POM121C: variants seen among roughly 807,000 people sequenced by gnomAD.
POM121C encodes POM121 transmembrane nucleoporin C, also known as nuclear envelope pore membrane protein POM 121C.
POM121C carries 20 observed loss-of-function variants against 66.4 expected under a neutral mutation model. The ratio of observed to expected loss-of-function variants is 0.30; its 90% CI spans 0.21 to 0.44. The LOEUF (loss-of-function observed/expected upper bound fraction) is 0.44, where lower values mean the gene tolerates loss of function less well. Ranked by LOEUF, POM121C falls within the 20% of genes least tolerant of loss-of-function variation. The probability of loss-of-function intolerance (pLI) is 1.00; values close to 1 mark genes in which losing one functional copy is unlikely to be tolerated. For synonymous variants in POM121C, 286 were observed against 528.0 expected, an observed-to-expected ratio of 0.54 and a Z score of 6.28; for missense variants, 580 against 1,225.7, an observed-to-expected ratio of 0.47 and a Z score of 7.87.
chr7:75,471,965 A>T (rs1272902267), intron 3 of POM121C, among the ~76,000 whole-genome samples: 1 of 151,876 alleles, frequency 6.6e-6, no homozygotes, highest in Non-Finnish European at 1.5e-5. Context: ...CGCTCACTGC[A>T]AGCTCTGCCT....
At chr7:75,479,490 T>C (rs1346670708) in intron 1 of POM121C, among the ~76,000 whole-genome samples, 3 of 149,038 alleles carry the variant, frequency 2.0e-5, no homozygotes, top group Admixed American at 6.7e-5. Flanking sequence ...ATGGTGGGTG[T>C]CTGTAATCCC....
intron 3 of POM121C, among the ~76,000 whole-genome samples, chr7:75,469,296 CTA>C (rs1263356166): frequency 6.6e-6 from 1 of 152,082 alleles, no homozygotes; most frequent in Non-Finnish European, 1.5e-5. Context: ...CAGGGTCTTG[CTA>C]TGTTTCCCAG....
intron 7 of POM121C, among the ~76,000 whole-genome samples, chr7:75,431,297 A>G (rs1790166563): frequency 6.6e-6 from 1 of 152,088 alleles, no homozygotes; most frequent in African/African-American, 2.4e-5. Flanking sequence ...AAAATCTCAT[A>G]TACTGCTGGT....
chr7:75,484,332 C>T (rs587717673), intron 1 of POM121C: 14 of 885,896 alleles, frequency 1.6e-5, no homozygotes, highest in Admixed American at 4.2e-5. Flanking sequence ...GCATAAGAAC[C>T]GCAAAAGAAA....
At chr7:75,420,665 C>A (rs1368684992) in intron 13 of POM121C, 1 of 152,222 alleles carries the variant, frequency 6.6e-6, no homozygotes, top group South Asian at 2.1e-4. Context: ...TCCTACTTCA[C>A]GAAGCAAACA....
rs1458698031 is a variant in POM121C, at chr7:75,423,178, C to T, written c.1074G>A (p.Glu358=). The change falls in exon 13 of 15, where the codon GAG becomes GAA. Residue 358 remains glutamate (E), a synonymous_variant. Coordinates refer to ENST00000615331, the MANE Select transcript of POM121C (RefSeq NM_001099415.3). The stretch of plus-strand genomic sequence containing the variant: ...TGGGTGTCTTTGGAGGTGAGAGGGC[C>T]TCAGTGGTTGCTGCTCCAGCAGATT... ...CPESAGAATT[E]ALSPPKTPSL... 6.7e-7 allele frequency: 1 copy of T among 1,494,602 alleles called. No homozygotes were observed. Among genetic ancestry groups the T allele is most frequent in the African/African-American group, 1.4e-5 (1 of 70,584 alleles). 92.6% of individuals were successfully genotyped at this position (1,494,602 alleles called of 1,614,324 possible). A position where few individuals can be genotyped will look rare whatever the true frequency, so the allele number is the denominator to read the frequency against.
At chr7:75,449,460 G>A (rs1345855875) in intron 3 of POM121C, among the ~76,000 whole-genome samples, 1 of 151,744 alleles carries the variant, frequency 6.6e-6, no homozygotes, top group Non-Finnish European at 1.5e-5. Context: ...CACCTCCCGG[G>A]TTCATGCCAT....
At chr7:75,459,640 C>A (rs1791382133) in intron 3 of POM121C, among the ~76,000 whole-genome samples, 2 of 143,416 alleles carry the variant, frequency 1.4e-5, no homozygotes, top group South Asian at 2.2e-4. Context: ...GAAGAAAAAT[C>A]CAGAGAGATT....
Position 75,440,225 on chromosome 7 carries a change from T to C in POM121C, c.227+729A>G, listed in dbSNP as rs1317882060. Among the ~76,000 whole-genome samples the C allele has an allele frequency of 5.9e-5, 9 of 152,154 alleles. No homozygotes were observed. The South Asian group carries it at 1.0e-3, about 18-fold the overall frequency. On this transcript the variant is annotated intron_variant, in intron 5 of 14. Transcript: ENST00000615331. ...CATTATTGATAAAACTACCAAACTC[T>C]AGTTTTCATTTTTCTTTCCCAAGCA...
At chr7:75,432,466 A>C (rs1316513516) in intron 7 of POM121C, among the ~76,000 whole-genome samples, 2 of 152,210 alleles carry the variant, frequency 1.3e-5, no homozygotes, top group Non-Finnish European at 2.9e-5. Context: ...CAAAGAATGC[A>C]TACTCTATTT....
intron 3 of POM121C, among the ~76,000 whole-genome samples, chr7:75,466,681 A>G (rs1311754438): frequency 1.3e-5 from 2 of 152,070 alleles, no homozygotes; most frequent in East Asian, 3.8e-4. Flanking sequence ...TAAAAAATCA[A>G]TTAAACCAAA....
chr7:75,481,048 A>ATATATAAAT (rs1792291063), intron 1 of POM121C, among the ~76,000 whole-genome samples: 2 of 128,080 alleles, frequency 1.6e-5, no homozygotes, highest in Non-Finnish European at 1.7e-5. Flanking sequence ...TATATATATA[A>ATATATAAAT]ATATATATAT....
intron 1 of POM121C, 139 bp downstream of exon 1, chr7:75,485,725 G>A: frequency 5.3e-6 from 2 of 377,148 alleles, no homozygotes; most frequent in South Asian, 3.8e-5. Context: ...CGGTGCAGCC[G>A]GACCCTGCCC....
intron 1 of POM121C, among the ~76,000 whole-genome samples, chr7:75,480,785 C>T (rs1223273961): frequency 1.3e-5 from 2 of 152,220 alleles, no homozygotes; most frequent in Non-Finnish European, 2.9e-5. Context: ...AGGCAATTAA[C>T]AGTCCTAGAC....
intron 3 of POM121C, among the ~76,000 whole-genome samples, chr7:75,459,599 C>CA (rs1211791667): frequency 0.01 from 451 of 43,816 alleles, 29 homozygotes; most frequent in Non-Finnish European, 0.012. Flanking sequence ...GACTCTGTCT[C>CA]AAAAAAAAAA....
chr7:75,455,586 C>T (rs1360001679), intron 3 of POM121C, among the ~76,000 whole-genome samples: 21 of 150,776 alleles, frequency 1.4e-4, no homozygotes, highest in East Asian at 3.9e-4. Flanking sequence ...TGCGAGCCAC[C>T]GCACCGGGCC....
Position 75,421,863 on chromosome 7 carries a change from A to G in POM121C, c.2389T>C (p.Ser797Pro), listed in dbSNP as rs1368931733. ...GCACCGAAGGAGAAGACAGCAGTGG[A>G]GCCGCCAAAGGCGGGCTGTGAGCTG... ...PASSQPAFGG[S>P]TAVFSFGAAT... Residue 797 changes from serine to proline, a missense_variant, in exon 13 of 15, where the codon TCC becomes CCC. Ser to Pro is a moderately conservative substitution (Grantham distance 74, BLOSUM62 -1). Transcript: ENST00000615331. 1 of 1,611,230 alleles carries G rather than the reference A, an allele frequency of 6.2e-7. No homozygotes were observed. Among genetic ancestry groups the G allele is most frequent in the Non-Finnish European group, 8.5e-7 (1 of 1,179,264 alleles).
chr7:75,468,148 A>AAAAAG (rs1317249832), intron 3 of POM121C, among the ~76,000 whole-genome samples: 11 of 142,202 alleles, frequency 7.7e-5, no homozygotes, highest in South Asian at 4.5e-4. Context: ...AAAAAAAAAA[A>AAAAAG]AAAAGAAAAG....
At position 75,446,912 on chromosome 7, in the gene POM121C, G is replaced by A. The variant is rs1328616775; in HGVS notation, c.-151-5265C>T. Among the ~76,000 whole-genome samples the A allele has an allele frequency of 3.1e-3, 440 of 140,446 alleles. 4 individuals are homozygous for A. Among genetic ancestry groups the A allele is most frequent in the Non-Finnish European group, 3.0e-3 (200 of 65,598 alleles). The allele number at this position is 140,446 out of a possible 152,430, so 92.1% of individuals were successfully genotyped here. Reference sequence around the variant, plus strand: ...AGTCCCAGCTACTCGGGAGGCTGAGGCAAGAGAATGGCGTGAACCCGGGAG... The same window carrying A: ...AGTCCCAGCTACTCGGGAGGCTGAGACAAGAGAATGGCGTGAACCCGGGAG... On this transcript the variant is annotated intron_variant, in intron 3 of 14. Transcript: ENST00000615331.
Sources: allele counts gnomAD v4.1 joint callset (sites outside exome capture counted in the v4.1 genomes callset), GRCh38; gene constraint gnomAD v4.1.1; transcripts MANE v1.5; gene names NCBI Gene and HGNC (gene_info 2026-07-23, HGNC 2026-07-21).